ERG: variants seen among roughly 807,000 people sequenced by gnomAD.
ERG encodes ETS transcription factor ERG, also known as transcriptional regulator ERG.
A neutral mutation model predicts 55.3 loss-of-function variants in ERG; 9 were observed. The observed-to-expected ratio is 0.16, with a 90% confidence interval of 0.10 to 0.28. ERG has a LOEUF of 0.28. Among genes scored for constraint, ERG ranks in the 10% least tolerant of loss-of-function variants. The pLI, the probability that ERG is intolerant of heterozygous loss-of-function variation, is 1.00. For missense variants in ERG, 434 were observed against 631.6 expected, an observed-to-expected ratio of 0.69 and a Z score of 3.35; for synonymous variants, 223 against 237.3, an observed-to-expected ratio of 0.94 and a Z score of 0.55.
At chr21:38,440,442 G>A (rs1371567606) in intron 2 of ERG, among the ~76,000 whole-genome samples, 3 of 152,206 alleles carry the variant, frequency 2.0e-5, no homozygotes, top group Non-Finnish European at 2.9e-5. Flanking sequence ...GACACAGCCC[G>A]GTGCTGGTTC....
chr21:38,629,856 C>A (rs903691372), intron 1 of ERG, among the ~76,000 whole-genome samples: 1 of 152,204 alleles, frequency 6.6e-6, no homozygotes, highest in Non-Finnish European at 1.5e-5. Context: ...ACAACCTATT[C>A]ATGATCAACA....
intron 1 of ERG, among the ~76,000 whole-genome samples, chr21:38,581,108 G>A (rs567154854): frequency 1.3e-5 from 2 of 152,186 alleles, no homozygotes; most frequent in Admixed American, 6.5e-5. Context: ...AAGATGCTCA[G>A]TCAAGTTTGG....
chr21:38,491,731 CT>C (rs1433775309), intron 1 of ERG, among the ~76,000 whole-genome samples: 3 of 152,160 alleles, frequency 2.0e-5, no homozygotes, highest in Admixed American at 6.5e-5. Flanking sequence ...ATGGAAAACT[CT>C]GACCTGCGTG....
chr21:38,627,599 TAGA>T (rs1418951983), intron 1 of ERG, among the ~76,000 whole-genome samples: 1 of 152,172 alleles, frequency 6.6e-6, no homozygotes, highest in Non-Finnish European at 1.5e-5. Context: ...TGTGATATTA[TAGA>T]AGATGAACAT....
At chr21:38,408,378 C>T (rs552124241) in intron 3 of ERG, among the ~76,000 whole-genome samples, 3 of 152,340 alleles carry the variant, frequency 2.0e-5, no homozygotes, top group Admixed American at 6.5e-5. Flanking sequence ...CCACCCACAG[C>T]GTGAAGGACT....
At chr21:38,438,112 A>G (rs191547550) in intron 2 of ERG, among the ~76,000 whole-genome samples, 2 of 152,124 alleles carry the variant, frequency 1.3e-5, no homozygotes, top group African/African-American at 4.8e-5. Flanking sequence ...TGCATTTAGC[A>G]TTCCCTCCTC....
At chr21:38,611,224 T>C (rs546037234) in intron 1 of ERG, among the ~76,000 whole-genome samples, 1 of 152,244 alleles carries the variant, frequency 6.6e-6, no homozygotes, top group East Asian at 1.9e-4. Flanking sequence ...TCAACTGGAT[T>C]ATTATGTTAG....
Position 38,392,547 on chromosome 21 carries a change from C to CA in ERG, c.746-104dup, listed in dbSNP as rs563587626. 7.3e-6 allele frequency: 6 copies of CA among 821,280 alleles called. No homozygotes were observed. The South Asian group carries it at 1.0e-4, about 14-fold the overall frequency. 50.9% of individuals were successfully genotyped at this position (821,280 alleles called of 1,614,324 possible). ...TGTATTTATTAGAATAAACTTTGTG[C>CA]AAAAAAATCTGGTAATCCAAAGAAA... On this transcript the variant is annotated intron_variant, in intron 6 of 9. Coordinates refer to ENST00000288319, the MANE Select transcript of ERG (RefSeq NM_182918.4).
intron 1 of ERG, among the ~76,000 whole-genome samples, chr21:38,633,424 C>T (rs458835): frequency 6.6e-6 from 1 of 152,100 alleles, no homozygotes; most frequent in Non-Finnish European, 1.5e-5. Flanking sequence ...TAAAAAGTGA[C>T]TCTTCATAGA....
chr21:38,459,438 G>A (rs780514219), intron 1 of ERG, among the ~76,000 whole-genome samples: 1 of 152,184 alleles, frequency 6.6e-6, no homozygotes, highest in Non-Finnish European at 1.5e-5. Flanking sequence ...ACAATCTGAG[G>A]GCATGGTTGC....
At chr21:38,414,819 AT>A (rs35398942) in intron 3 of ERG, among the ~76,000 whole-genome samples, 24 of 150,234 alleles carry the variant, frequency 1.6e-4, no homozygotes, top group East Asian at 7.8e-4. Context: ...TATTTTAAAC[AT>A]TTTTTTTTTG....
At chr21:38,572,473 C>T (rs2059965147) in intron 2 of ERG, among the ~76,000 whole-genome samples, 1 of 151,952 alleles carries the variant, frequency 6.6e-6, no homozygotes, top group Non-Finnish European at 1.5e-5. Flanking sequence ...TTCAAAAACT[C>T]CCATATCAGG....
At chr21:38,447,339 AC>A in intron 1 of ERG, among the ~76,000 whole-genome samples, 1 of 151,792 alleles carries the variant, frequency 6.6e-6, no homozygotes, top group Non-Finnish European at 1.5e-5. Flanking sequence ...GCCCTGTGAC[AC>A]CCTGGGAAAG....
chr21:38,575,918 T>A (rs1057397290), intron 1 of ERG, among the ~76,000 whole-genome samples: 1 of 152,254 alleles, frequency 6.6e-6, no homozygotes, highest in Non-Finnish European at 1.5e-5. Flanking sequence ...GGTGACTAGA[T>A]AACTCACTTC....
At position 38,383,633 on chromosome 21, in the gene ERG, G is replaced by C. The variant is rs201647507; in HGVS notation, c.1210C>G (p.Pro404Ala). The change falls in exon 10 of 10, where the codon CCG (proline) becomes GCG (alanine). Residue 404 changes from proline (P) to alanine (A), a missense_variant. By Grantham distance (27) the Pro-to-Ala change is conservative. This residue lies in a region of ERG where 107 missense variants were observed against 126.8 expected (regional missense o/e 0.84). Coordinates refer to ENST00000288319, the MANE Select transcript of ERG (RefSeq NM_182918.4). This position sits in a 1 kb window ranked among gnomAD's most constrained non-coding sequence, Gnocchi z 5.7. Reference protein sequence around the residue: ...GIAQALQPHPPESSLYKYPSD... With the variant: ...GIAQALQPHPAESSLYKYPSD... ...GGGTACTTGTACAGAGATGACTCCG[G>C]GGGGTGGGGCTGGAGGGCCTGGGCG... 1.5e-4 allele frequency: 236 copies of C among 1,613,960 alleles called. No individual in the cohort carries two copies. The highest frequency in any genetic ancestry group is 3.6e-4 in the East Asian group (16 of 44,890).
chr21:38,563,252 A>G (rs2059903563), intron 2 of ERG, among the ~76,000 whole-genome samples: 1 of 152,248 alleles, frequency 6.6e-6, no homozygotes, highest in Non-Finnish European at 1.5e-5. Flanking sequence ...CCAAGGGTAT[A>G]CGGTGTTTAT....
intron 2 of ERG, among the ~76,000 whole-genome samples, chr21:38,548,070 A>T (rs1421843541): frequency 6.6e-6 from 1 of 152,204 alleles, no homozygotes; most frequent in Non-Finnish European, 1.5e-5. Flanking sequence ...ATTCTCTACC[A>T]TTTCATTCTC....
chr21:38,446,831 G>A (rs958817397), intron 1 of ERG, among the ~76,000 whole-genome samples: 1 of 152,118 alleles, frequency 6.6e-6, no homozygotes, highest in Admixed American at 6.6e-5. Flanking sequence ...TGAATGAGCT[G>A]GCCATGATCA....
At chr21:38,642,456 TCA>T (rs1457294410) in intron 1 of ERG, among the ~76,000 whole-genome samples, 2 of 66,416 alleles carry the variant, frequency 3.0e-5, no homozygotes, top group African/African-American at 1.7e-4. Flanking sequence ...AGATTTCACC[TCA>T]CACCCCACCC....
Sources: allele counts gnomAD v4.1 joint callset (sites outside exome capture counted in the v4.1 genomes callset), GRCh38; gene constraint gnomAD v4.1.1; regional missense constraint gnomAD v4.1.1; non-coding constraint Gnocchi (gnomAD v3.1); transcripts MANE v1.5; gene names NCBI Gene and HGNC (gene_info 2026-07-23, HGNC 2026-07-21).